UBE4B: variants seen among roughly 807,000 people sequenced by gnomAD.
The protein encoded by UBE4B is ubiquitin conjugation factor E4 B.
Under a neutral mutation model 148.1 loss-of-function variants are expected in UBE4B, and 27 were observed. The ratio of observed to expected loss-of-function variants is 0.18; its 90% CI spans 0.13 to 0.25. UBE4B has a LOEUF of 0.25. Ranked by LOEUF, UBE4B falls within the 10% of genes least tolerant of loss-of-function variation. The probability of loss-of-function intolerance (pLI) is 1.00; values close to 1 mark genes in which losing one functional copy is unlikely to be tolerated. For missense variants in UBE4B, 1,170 were observed against 1,662.4 expected, an observed-to-expected ratio of 0.70 and a Z score of 5.15; for synonymous variants, 596 against 619.3, an observed-to-expected ratio of 0.96 and a Z score of 0.56.
intron 25 of UBE4B, among the ~76,000 whole-genome samples, chr1:10,175,390 G>C (rs376324463): frequency 1.3e-5 from 2 of 152,110 alleles, no homozygotes; most frequent in Admixed American, 6.5e-5. Flanking sequence ...AGTGGCTCAC[G>C]CCTGTAATCC....
In UBE4B at chr1:10,158,329, C is replaced by T. The variant is rs775393409; in HGVS notation, c.2927-27C>T. 1.9e-6 allele frequency: 3 copies of T among 1,613,020 alleles called. No homozygotes were observed. In the African/African-American group the frequency reaches 4.0e-5, roughly 22 times the overall value. On this transcript the variant is annotated intron_variant, in intron 21 of 27. Transcript: ENST00000343090. ...TTGGAAAGCAAGAAAATACATATCCCTCAGTACCTTTGTCTTTCTTCTTTA... is the reference window on the plus strand; with the variant it reads ...TTGGAAAGCAAGAAAATACATATCCTTCAGTACCTTTGTCTTTCTTCTTTA...
chr1:10,132,663 TG>T (rs1326796594), intron 15 of UBE4B, among the ~76,000 whole-genome samples, 181 bp downstream of exon 15: 1 of 152,198 alleles, frequency 6.6e-6, no homozygotes, highest in East Asian at 1.9e-4. Context: ...TATAAATACA[TG>T]ATTTTAGACA....
chr1:10,144,860 A>G, intron 17 of UBE4B, 80 bp from the exon 18 acceptor site: 1 of 944,620 alleles, frequency 1.1e-6, no homozygotes, highest in Non-Finnish European at 1.6e-6. Context: ...TGCGTGTGAG[A>G]GTCAGTGAAA....
chr1:10,166,062 G>A (rs907925572), intron 23 of UBE4B, among the ~76,000 whole-genome samples: 2 of 152,048 alleles, frequency 1.3e-5, no homozygotes, highest in Admixed American at 1.3e-4. Context: ...ACCAGGGAAC[G>A]GCAGGCCCCC....
intron 17 of UBE4B, among the ~76,000 whole-genome samples, chr1:10,139,054 T>A (rs1263836450): frequency 6.6e-6 from 1 of 152,256 alleles, no homozygotes; most frequent in African/African-American, 2.4e-5. Flanking sequence ...TTTTCATTTC[T>A]TGTTAAGTGC....
At chr1:10,160,891 T>G (rs1646149290) in intron 22 of UBE4B, among the ~76,000 whole-genome samples, 1 of 152,080 alleles carries the variant, frequency 6.6e-6, no homozygotes, top group African/African-American at 2.4e-5. Context: ...TGCAGTGAGC[T>G]GTGATTGTGC....
chr1:10,101,369 G>C, intron 4 of UBE4B, among the ~76,000 whole-genome samples, 174 bp downstream of exon 4: 1 of 152,084 alleles, frequency 6.6e-6, no homozygotes, highest in East Asian at 1.9e-4. Flanking sequence ...ATTCATGAAA[G>C]TGTAACTCAG....
At chr1:10,133,561 C>T (rs1021670257) in intron 15 of UBE4B, among the ~76,000 whole-genome samples, 1 of 152,142 alleles carries the variant, frequency 6.6e-6, no homozygotes, top group African/African-American at 2.4e-5. Context: ...CCTAGAGAAA[C>T]AATGTCACAT....
rs574899061 is a variant in UBE4B at position 10,042,771 on chromosome 1, A to G, written c.24+9077A>G. Among the ~76,000 whole-genome samples the G allele has an allele frequency of 2.0e-5, 3 of 152,324 alleles. No homozygotes were observed. In the East Asian group the frequency reaches 5.8e-4, roughly 29 times the overall value. ...GTATTTCTGTGGCCTACAGGTACAG[A>G]GAACAATCAGATATGTGTAACGTGT... On this transcript the variant is annotated intron_variant, in intron 1 of 27. Transcript: ENST00000343090.
Position 10,112,366 on chromosome 1 carries a change from A to G in UBE4B, c.1197-5093A>G, listed in dbSNP as rs146401103. On this transcript the variant is annotated intron_variant, in intron 7 of 27. Transcript: ENST00000343090. ...GTACAGCTGAGGGAAAATATTAAAT[A>G]CTACTTTAAATATTTAGAAATATTT... Among the ~76,000 whole-genome samples the G allele has an allele frequency of 9.5e-4, 145 of 152,286 alleles. 1 individual carries two copies. Among genetic ancestry groups the G allele is most frequent in the African/African-American group, 3.4e-3 (141 of 41,578 alleles).
chr1:10,095,224 G>T (rs892497025), intron 2 of UBE4B, among the ~76,000 whole-genome samples: 3 of 152,142 alleles, frequency 2.0e-5, no homozygotes, highest in African/African-American at 7.2e-5. Flanking sequence ...TTAGGCATTA[G>T]ATGTAGCTCT....
intron 17 of UBE4B, among the ~76,000 whole-genome samples, chr1:10,142,529 G>A (rs1645799366): frequency 6.6e-6 from 1 of 151,838 alleles, no homozygotes; most frequent in Admixed American, 6.6e-5. Flanking sequence ...AAATTAGCCG[G>A]TCATGGTAGT....
intron 2 of UBE4B, among the ~76,000 whole-genome samples, chr1:10,076,100 A>T (rs1302581311): frequency 6.6e-6 from 1 of 152,164 alleles, no homozygotes; most frequent in Non-Finnish European, 1.5e-5. Context: ...AAAGAGTTTA[A>T]AAAGCTGGCA....
intron 2 of UBE4B, among the ~76,000 whole-genome samples, chr1:10,077,296 G>A (rs1269838960): frequency 6.6e-6 from 1 of 152,062 alleles, no homozygotes; most frequent in East Asian, 1.9e-4. Context: ...CAGTCTTCAC[G>A]TCCGTCTTCA....
intron 1 of UBE4B, among the ~76,000 whole-genome samples, chr1:10,050,313 C>G (rs966866274): frequency 1.3e-5 from 2 of 152,204 alleles, no homozygotes; most frequent in African/African-American, 4.8e-5. Context: ...CTCAGGTGAT[C>G]CGCCTGCCTT....
chr1:10,169,836 G>A (rs1338404592), intron 24 of UBE4B, among the ~76,000 whole-genome samples: 2 of 152,152 alleles, frequency 1.3e-5, no homozygotes, highest in African/African-American at 2.4e-5. Context: ...CCAACATGGC[G>A]AAACCCCGTC....
chr1:10,101,190 G>GATA lies in UBE4B; in HGVS notation c.432_434dup (p.Asp144_Lys145insAsn), dbSNP rs774675274. The GATA allele has an allele frequency of 6.8e-6, 11 of 1,614,130 alleles. No homozygotes were observed. In the South Asian group the frequency reaches 8.8e-5, roughly 13 times the overall value. Reference sequence around the variant, plus strand: ...TCGAAGAGAAAAGCGGAGCCTCAGTGATAAGGTTGGTAAGCGATGAAGCCC... The same window carrying GATA: ...TCGAAGAGAAAAGCGGAGCCTCAGTGATAATAAGGTTGGTAAGCGATGAAGCCC... On this transcript the variant is annotated inframe_insertion, in exon 4 of 28. Transcript: ENST00000343090.
chr1:10,106,455 C>T lies in UBE4B; in HGVS notation c.1068C>T (p.Leu356=), dbSNP rs758645417. 3.6e-5 allele frequency: 58 copies of T among 1,613,884 alleles called. 1 individual carries two copies. The highest frequency in any genetic ancestry group is 1.8e-4 in the South Asian group (16 of 91,062). ...CGAGCTCCCCAAGTCCCCCTGCCCT[C>T]GCCAGTAGCCCCCAAGCAGTGCCCG... ...ILSSSPSPPA[L]ASSPQAVPAS... Residue 356 remains leucine, a synonymous_variant, in exon 7 of 28, where the codon CTC becomes CTT. Transcript: ENST00000343090. The surrounding 1 kb of genome is among the most constrained non-coding windows in gnomAD (Gnocchi z 4.2).
intron 1 of UBE4B, among the ~76,000 whole-genome samples, chr1:10,046,515 C>A (rs1440201968): frequency 1.5e-4 from 23 of 152,120 alleles, no homozygotes; most frequent in Admixed American, 1.5e-3. Context: ...TGCGCTGGTC[C>A]ATAGCCATTG....
Sources: gnomAD v4.1 joint callset for allele counts (sites outside exome capture counted in the v4.1 genomes callset) on GRCh38, gnomAD v4.1.1 for gene constraint, Gnocchi (gnomAD v3.1) non-coding constraint, MANE v1.5 for transcripts, NCBI Gene and HGNC (gene_info 2026-07-23, HGNC 2026-07-21) for gene names.